Variants in ANO3 observed in about 807,000 individuals in gnomAD.
ANO3 encodes the protein anoctamin 3, also known as anoctamin-3.
In ANO3, 99 loss-of-function variants were observed where a neutral mutation model predicts 144.8. The observed-to-expected ratio is 0.68, with a 90% CI of 0.58 to 0.81. The LOEUF (loss-of-function observed/expected upper bound fraction) is 0.81. Among genes scored for constraint, ANO3 ranks in the 30% least tolerant of loss-of-function variants. The pLI, the probability that ANO3 is intolerant of heterozygous loss-of-function variation, is 0.00. For synonymous variants in ANO3, 414 were observed against 392.6 expected, an observed-to-expected ratio of 1.05 and a Z score of -0.64; for missense variants, 905 against 1,202.2, an observed-to-expected ratio of 0.75 and a Z score of 3.66.
intron 6 of ANO3, among the ~76,000 whole-genome samples, chr11:26,521,743 A>G (rs1039171811): frequency 2.0e-5 from 3 of 152,128 alleles, no homozygotes; most frequent in Admixed American, 6.5e-5. Context: ...CCTCTCACAC[A>G]TAAGAGAGTT....
upstream of ANO3, among the ~76,000 whole-genome samples, chr11:26,305,655 A>G (rs1448715200): frequency 6.6e-6 from 1 of 152,236 alleles, no homozygotes; most frequent in African/African-American, 2.4e-5. Context: ...CTAATCTTAC[A>G]TAACTACTTT....
chr11:26,508,094 T>C lies in ANO3; in HGVS notation c.433-10T>C. ...ACCCACACCATTAACAATCATTGCT[T>C]TATTTGCAGAATGACATGAATTACA... On this transcript the variant is annotated splice_polypyrimidine_tract_variant and intron_variant, in intron 4 of 26. Transcript: ENST00000256737. 6.4e-7 allele frequency: 1 copy of C among 1,570,878 alleles called. No homozygotes were observed. Among genetic ancestry groups the C allele is most frequent in the East Asian group, 2.4e-5 (1 of 42,348 alleles).
chr11:26,447,736 G>A (rs2134031611), intron 3 of ANO3, among the ~76,000 whole-genome samples: 1 of 151,790 alleles, frequency 6.6e-6, no homozygotes, highest in East Asian at 1.9e-4. Flanking sequence ...TTTACATAAA[G>A]CAGCTCACAA....
intron 14 of ANO3, among the ~76,000 whole-genome samples, chr11:26,583,601 T>C (rs1344099811): frequency 1.3e-5 from 2 of 152,246 alleles, no homozygotes; most frequent in Non-Finnish European, 2.9e-5. Flanking sequence ...CTATAAGGTG[T>C]TAACCAAAAA....
At chr11:26,470,989 A>T (rs890052717) in intron 4 of ANO3, among the ~76,000 whole-genome samples, 17 of 151,966 alleles carry the variant, frequency 1.1e-4, no homozygotes, top group African/African-American at 4.1e-4. Flanking sequence ...GGTAAGAAGC[A>T]TTTCAGTTTC....
At chr11:26,245,950 G>C (rs1852781490) in intron 1 of ANO3, among the ~76,000 whole-genome samples, 2 of 152,204 alleles carry the variant, frequency 1.3e-5, no homozygotes, top group South Asian at 4.1e-4. Flanking sequence ...CTTTCCTCCT[G>C]CAGTATGAGT....
intron 1 of ANO3, among the ~76,000 whole-genome samples, chr11:26,367,031 T>C (rs1463352742): frequency 2.0e-5 from 3 of 152,170 alleles, no homozygotes; most frequent in Non-Finnish European, 2.9e-5. Context: ...TAACAAATGG[T>C]GCTGGCAAAA....
intron 14 of ANO3, chr11:26,565,756 T>A (rs751315720): frequency 6.2e-7 from 1 of 1,613,392 alleles, no homozygotes; most frequent in Admixed American, 1.7e-5. Context: ...ACTTCTGCAA[T>A]GTTCTGTGTT....
intron 18 of ANO3, among the ~76,000 whole-genome samples, chr11:26,625,811 T>C (rs1160209781): frequency 6.6e-6 from 1 of 152,178 alleles, no homozygotes; most frequent in Non-Finnish European, 1.5e-5. Context: ...ATAAACACTC[T>C]GGGAATTCCT....
Position 26,246,708 on chromosome 11 carries a change from G to A in ANO3, c.154+57378G>A, listed in dbSNP as rs186762400. Among the ~76,000 whole-genome samples the A allele has an allele frequency of 5.4e-3, 814 of 151,148 alleles. 2 individuals are homozygous for A. Among genetic ancestry groups the A allele is most frequent in the Non-Finnish European group, 6.6e-3 (445 of 67,820 alleles). On this transcript the variant is annotated intron_variant, in intron 1 of 27. Transcript: ENST00000672621. ...GTAGCTCCCATAATCCTCGTGTGTGGCAGAGACGTGGTGGGAGGTAATTGA... is the reference window on the plus strand; with the variant it reads ...GTAGCTCCCATAATCCTCGTGTGTGACAGAGACGTGGTGGGAGGTAATTGA...
At chr11:26,208,512 C>CAAAAAAAAAAAAAAAAAAAAAAAAAAAA (rs67196052) in intron 1 of ANO3, among the ~76,000 whole-genome samples, 5 of 121,744 alleles carry the variant, frequency 4.1e-5, no homozygotes, top group African/African-American at 1.7e-4. Flanking sequence ...GACTCCGTCT[C>CAAAAAAAAAAAAAAAAAAAAAAAAAAAA]AAAAAAAAAA....
intron 18 of ANO3, among the ~76,000 whole-genome samples, chr11:26,627,115 T>C (rs566368869): frequency 6.7e-6 from 1 of 150,156 alleles, no homozygotes; most frequent in African/African-American, 2.4e-5. Context: ...TTAAATTCTT[T>C]TATATATATA....
intron 4 of ANO3, among the ~76,000 whole-genome samples, chr11:26,473,084 T>C (rs1859840077): frequency 6.6e-6 from 1 of 152,002 alleles, no homozygotes. Context: ...ATTAGAGTAA[T>C]ATACCATTTG....
At chr11:26,447,496 C>T (rs1590366759) in intron 3 of ANO3, among the ~76,000 whole-genome samples, 1 of 152,150 alleles carries the variant, frequency 6.6e-6, no homozygotes, top group Non-Finnish European at 1.5e-5. Context: ...AATCACCACA[C>T]TAGCCACAAA....
chr11:26,202,645 T>C (rs1851720406), intron 1 of ANO3, among the ~76,000 whole-genome samples: 1 of 150,854 alleles, frequency 6.6e-6, no homozygotes, highest in South Asian at 2.1e-4. Context: ...AAAGTTAAAA[T>C]ATAAAGGGGA....
chr11:26,391,091 G>A (rs1856865882), intron 1 of ANO3, among the ~76,000 whole-genome samples: 1 of 151,996 alleles, frequency 6.6e-6, no homozygotes, highest in Admixed American at 6.6e-5. Flanking sequence ...CTGAATACTT[G>A]AGACTGGGAC....
chr11:26,449,099 C>G (rs1482374149), intron 3 of ANO3, among the ~76,000 whole-genome samples: 2 of 152,174 alleles, frequency 1.3e-5, no homozygotes, highest in Non-Finnish European at 1.5e-5. Flanking sequence ...TCTGGTCTCT[C>G]TAGGCCATTT....
intron 1 of ANO3, among the ~76,000 whole-genome samples, chr11:26,440,294 A>G (rs1166532721): frequency 6.6e-6 from 1 of 152,150 alleles, no homozygotes; most frequent in Non-Finnish European, 1.5e-5. Context: ...CTGAGACTGG[A>G]TAATTTATAA....
At chr11:26,269,258 C>A (rs1853384937) in intron 1 of ANO3, among the ~76,000 whole-genome samples, 1 of 152,190 alleles carries the variant, frequency 6.6e-6, no homozygotes, top group Non-Finnish European at 1.5e-5. Flanking sequence ...TTATCAGGGG[C>A]CTTTGGCACT....
Sources: allele counts gnomAD v4.1 joint callset (sites outside exome capture counted in the v4.1 genomes callset), GRCh38; gene constraint gnomAD v4.1.1; transcripts MANE v1.5; gene names NCBI Gene and HGNC (gene_info 2026-07-23, HGNC 2026-07-21).